Variants in SPTBN4 observed in about 807,000 individuals in gnomAD.
SPTBN4 encodes spectrin beta chain, non-erythrocytic 4.
A neutral mutation model predicts 277.8 loss-of-function variants in SPTBN4; 96 were observed. The ratio of observed to expected loss-of-function variants is 0.35; its 90% CI spans 0.29 to 0.41. The LOEUF is 0.41. SPTBN4 is among the 10% of genes least tolerant of loss of function. The probability of loss-of-function intolerance (pLI) is 1.00; values close to 1 mark genes in which losing one functional copy is unlikely to be tolerated. For synonymous variants in SPTBN4, 1,481 were observed against 1,580.3 expected (o/e 0.94, Z 1.49); for missense variants, 3,006 against 3,595.7 (o/e 0.84, Z 4.19).
chr19:40,474,354 T>C (rs1222278392), intron 2 of SPTBN4, among the ~76,000 whole-genome samples: 1 of 150,994 alleles, frequency 6.6e-6, no homozygotes, highest in Non-Finnish European at 1.5e-5. Flanking sequence ...AAATCTGACA[T>C]AGAGTGACCA....
Position 40,568,218 on chromosome 19 carries a change from C to G in SPTBN4, c.6892C>G (p.Arg2298Gly), listed in dbSNP as rs1156698045. Residue 2298 changes from arginine (R) to glycine (G), a missense_variant, in exon 31 of 36, where the codon CGG becomes GGG. Around this residue, in one of 5 missense-constraint regions of SPTBN4, gnomAD observed 630 missense variants for 677.6 expected, o/e 0.93. Coordinates refer to ENST00000598249, the MANE Select transcript of SPTBN4 (RefSeq NM_020971.3). ...QMERRRERRE[R>G]RLERQESSEQ... ...GGAGCGGCGGCGCGAGCGGCGTGAG[C>G]GGCGCTTGGAGCGGCAGGAGTCCAG... 1 of 1,602,690 alleles carries G rather than the reference C, an allele frequency of 6.2e-7. No individual in the cohort carries two copies. Among genetic ancestry groups the G allele is most frequent in the African/African-American group, 1.3e-5 (1 of 74,660 alleles).
chr19:40,535,200 C>T (rs814500), intron 20 of SPTBN4, among the ~76,000 whole-genome samples: 68,349 of 151,736 alleles, frequency 0.45, 16,279 homozygotes, highest in Non-Finnish European at 0.51. Flanking sequence ...AGACCACAAG[C>T]GCATACCACC....
chr19:40,496,570 C>T (rs2145837998), intron 6 of SPTBN4, among the ~76,000 whole-genome samples: 1 of 152,274 alleles, frequency 6.6e-6, no homozygotes, highest in East Asian at 1.9e-4. Flanking sequence ...AGGGATGAGC[C>T]ACCATGCCCG....
intron 17 of SPTBN4, among the ~76,000 whole-genome samples, chr19:40,528,005 G>A (rs1016506593): frequency 2.1e-5 from 3 of 143,514 alleles, no homozygotes; most frequent in Non-Finnish European, 3.0e-5. Flanking sequence ...GTAGTGAGCC[G>A]AGATCACGCC....
At chr19:40,570,829 C>T in intron 33 of SPTBN4, 101 bp downstream of exon 33, 1 of 1,316,826 alleles carries the variant, frequency 7.6e-7, no homozygotes, top group South Asian at 1.6e-5. Flanking sequence ...AACTTCAGGC[C>T]CTCCAGCAGG....
Position 40,534,186 on chromosome 19 carries a change from C to T in SPTBN4, c.4202C>T (p.Ala1401Val). Residue 1401 changes from alanine (A) to valine (V), a missense_variant, in exon 20 of 36, where the codon GCC (alanine) becomes GTC (valine). This residue lies in a region of SPTBN4 where 1,759 missense variants were observed against 2,061.5 expected (regional missense o/e 0.85). Coordinates refer to ENST00000598249, the MANE Select transcript of SPTBN4 (RefSeq NM_020971.3). ...GCGGAGCTGGAGAGCACCACCCAGG[C>T]CAAGGCACGGCAGCTCTTTGAGGCC... ...CWAELESTTQAKARQLFEASK... is the reference protein window; with the variant it reads ...CWAELESTTQVKARQLFEASK... 6.2e-7 allele frequency: 1 copy of T among 1,613,916 alleles called. No homozygotes were observed. Among genetic ancestry groups the T allele is most frequent in the Non-Finnish European group, 8.5e-7 (1 of 1,179,894 alleles).
Position 40,554,760 on chromosome 19 carries a change from T to C in SPTBN4, c.5084+114T>C. The C allele has an allele frequency of 6.7e-7, 1 of 1,490,420 alleles. No individual in the cohort carries two copies. Among genetic ancestry groups the C allele is most frequent in the Non-Finnish European group, 9.1e-7 (1 of 1,103,230 alleles). The allele number at this position is 1,490,420 out of a possible 1,614,324, so 92.3% of individuals were successfully genotyped here. A position where few individuals can be genotyped will look rare whatever the true frequency, so the allele number is the denominator to read the frequency against. ...GTTGGGTGGGAGAGGTCCTCCTTGCTGTGTGCTGGAGCCCTCGAATTTGGC... is the reference window on the plus strand; with the variant it reads ...GTTGGGTGGGAGAGGTCCTCCTTGCCGTGTGCTGGAGCCCTCGAATTTGGC... On this transcript the variant is annotated intron_variant, in intron 24 of 35. Coordinates refer to ENST00000598249, the MANE Select transcript of SPTBN4 (RefSeq NM_020971.3). This position sits in a 1 kb window ranked among gnomAD's most constrained non-coding sequence, Gnocchi z 5.7.
chr19:40,572,450 G>C, intron 35 of SPTBN4, 70 bp downstream of exon 35: 2 of 1,576,458 alleles, frequency 1.3e-6, no homozygotes, highest in Non-Finnish European at 8.7e-7. Flanking sequence ...TCCTGACCCA[G>C]AGTGATGGGG....
intron 16 of SPTBN4, among the ~76,000 whole-genome samples, chr19:40,520,418 C>G (rs1568804281): frequency 1.3e-5 from 2 of 152,114 alleles, no homozygotes; most frequent in East Asian, 3.9e-4. Flanking sequence ...TGTGGGCTAT[C>G]CCGAGTAAGT....
chr19:40,555,812 G>T (rs986747773), intron 24 of SPTBN4, among the ~76,000 whole-genome samples: 6 of 151,740 alleles, frequency 4.0e-5, no homozygotes, highest in Non-Finnish European at 7.4e-5. Context: ...TCCCACTTGG[G>T]AGGCTGCAAT....
At position 40,560,307 on chromosome 19, in the gene SPTBN4, C is replaced by A. The variant is rs773024319; in HGVS notation, c.5819C>A (p.Ser1940Tyr). The A allele has an allele frequency of 5.6e-6, 9 of 1,614,116 alleles. No individual in the cohort carries two copies. Among genetic ancestry groups the A allele is most frequent in the Admixed American group, 5.0e-5 (3 of 60,034 alleles). ...ACEDARLHVS[S>Y]TADALRFHSQ... is the part of the protein sequence containing the mutation. ...GAGGATGCCCGCCTGCATGTCAGCT[C>A]CACAGCCGACGCCCTGCGCTTCCAC... The change falls in exon 27 of 36, where the codon TCC becomes TAC. Residue 1940 changes from serine to tyrosine, a missense_variant. Transcript: ENST00000598249. This position sits in a 1 kb window ranked among gnomAD's most constrained non-coding sequence, Gnocchi z 5.2.
rs1295114585 is a variant in SPTBN4, at chr19:40,515,380, G to A, written c.2835G>A (p.Gln945=). The part of the protein sequence containing the change: ...GRVLDVNHTV[Q]ELVEGGHPSS... ...TTCTGGACGTGAACCACACAGTCCA[G>A]GAGCTGGTGGAAGGAGGCCACCCCA... is the stretch of plus-strand genomic sequence containing the variant. The change falls in exon 15 of 36, where the codon CAG becomes CAA. Residue 945 remains glutamine, a synonymous_variant. Coordinates refer to ENST00000598249, the MANE Select transcript of SPTBN4 (RefSeq NM_020971.3). The surrounding 1 kb of genome is among the most constrained non-coding windows in gnomAD (Gnocchi z 4.1). 6.2e-7 allele frequency: 1 copy of A among 1,603,966 alleles called. No individual in the cohort carries two copies. The highest frequency in any genetic ancestry group is 1.3e-5 in the African/African-American group (1 of 74,832).
chr19:40,483,451 T>A (rs961043498), intron 2 of SPTBN4, among the ~76,000 whole-genome samples: 1 of 152,024 alleles, frequency 6.6e-6, no homozygotes, highest in African/African-American at 2.4e-5. Flanking sequence ...TTAAAAAAAA[T>A]ATTGCTTCTT....
At chr19:40,568,988 C>G (rs999123194) in intron 31 of SPTBN4, among the ~76,000 whole-genome samples, 2 of 152,110 alleles carry the variant, frequency 1.3e-5, no homozygotes, top group African/African-American at 4.8e-5. Flanking sequence ...ACTTTAGAGA[C>G]TCACAGTCCA....
rs1373371050 is a variant in SPTBN4, at chr19:40,519,932, CTA to C, written c.3437_3438del (p.Tyr1146CysfsTer37). On this transcript the variant is annotated frameshift_variant, in exon 16 of 36. Transcript: ENST00000598249. LOFTEE classifies it high-confidence loss of function. This position sits in a 1 kb window ranked among gnomAD's most constrained non-coding sequence, Gnocchi z 5.7. ...AGGAGGTGGACCAGCGCGAGGAAGACTATGCTCGCATCGTGGCGGCCAGCGAG... is the reference window on the plus strand; with the variant it reads ...AGGAGGTGGACCAGCGCGAGGAAGACTGCTCGCATCGTGGCGGCCAGCGAG... ...KEEVDQREEDYARIVAASEAL... is the reference protein window; with the variant it reads ...KEEVDQREEDXARIVAASEAL... The C allele has an allele frequency of 1.9e-6, 3 of 1,558,264 alleles. No homozygotes were observed. Among genetic ancestry groups the C allele is most frequent in the South Asian group, 1.2e-5 (1 of 84,926 alleles).
intron 16 of SPTBN4, 118 bp downstream of exon 16, chr19:40,520,269 G>A (rs2145877768): frequency 1.7e-6 from 2 of 1,168,760 alleles, no homozygotes; most frequent in East Asian, 6.3e-5. Context: ...TGGGTTCTGA[G>A]GTGGGTGGGA....
Position 40,494,985 on chromosome 19 carries a change from C to G in SPTBN4, c.668+8C>G. 6.2e-7 allele frequency: 1 copy of G among 1,614,012 alleles called. No individual in the cohort carries two copies. Among genetic ancestry groups the G allele is most frequent in the South Asian group, 1.1e-5 (1 of 91,088 alleles). ...CCTCATTCACCGGCACAGGTACCAC[C>G]TGGCCTGGGACAGCCCAGTCCTGCC... On this transcript the variant is annotated splice_region_variant and intron_variant, in intron 6 of 35. Coordinates refer to ENST00000598249, the MANE Select transcript of SPTBN4 (RefSeq NM_020971.3).
At chr19:40,497,927 C>T (rs2080218695) in intron 7 of SPTBN4, among the ~76,000 whole-genome samples, 1 of 151,702 alleles carries the variant, frequency 6.6e-6, no homozygotes, top group South Asian at 2.1e-4. Context: ...CAACCATCTC[C>T]CACTAAACCA....
intron 2 of SPTBN4, among the ~76,000 whole-genome samples, chr19:40,487,037 ACTCT>A (rs202218057): frequency 6.9e-6 from 1 of 144,836 alleles, no homozygotes; most frequent in Non-Finnish European, 1.5e-5. Flanking sequence ...CTGAGGCTGG[ACTCT>A]CTTTTTTTTT....
Sources: allele counts gnomAD v4.1 joint callset (sites outside exome capture counted in the v4.1 genomes callset), GRCh38; gene constraint gnomAD v4.1.1; regional missense constraint gnomAD v4.1.1; non-coding constraint Gnocchi (gnomAD v3.1); transcripts MANE v1.5; gene names NCBI Gene and HGNC (gene_info 2026-07-23, HGNC 2026-07-21).